The following DHRSX variants were observed in gnomAD, a reference collection of about 807,000 sequenced individuals.
DHRSX encodes polyprenol dehydrogenase.
In DHRSX, 31 loss-of-function variants were observed where a neutral mutation model predicts 34.0. The ratio of observed to expected loss-of-function variants is 0.91; its 90% CI spans 0.69 to 1.23. The LOEUF is 1.23. Among genes scored for constraint, DHRSX ranks in the 50% most tolerant of loss-of-function variants. DHRSX has a pLI of 0.00. For synonymous variants in DHRSX, 201 were observed against 183.8 expected, an observed-to-expected ratio of 1.09 and a Z score of -0.76; for missense variants, 414 against 428.1, an observed-to-expected ratio of 0.97 and a Z score of 0.29.
chrX:2,283,028 G>A (rs952220025), intron 4 of DHRSX, among the ~76,000 whole-genome samples: 9 of 151,424 alleles, frequency 5.9e-5, no homozygotes, highest in African/African-American at 1.2e-4. Flanking sequence ...ACAGAGAGAC[G>A]GGGAGAAGGA....
At chrX:2,229,665 ATATG>A (rs1209945661) in intron 6 of DHRSX, among the ~76,000 whole-genome samples, 22 of 141,726 alleles carry the variant, frequency 1.6e-4, no homozygotes, top group African/African-American at 6.6e-4. Flanking sequence ...GTCTGTATGT[ATATG>A]TATATGTATG....
intron 1 of DHRSX, among the ~76,000 whole-genome samples, chrX:2,447,504 G>A (rs1262311458): frequency 2.0e-5 from 3 of 152,128 alleles, no homozygotes; most frequent in Admixed American, 6.5e-5. Context: ...AAAGAATGAT[G>A]TGCAGGATCC....
intron 1 of DHRSX, among the ~76,000 whole-genome samples, chrX:2,447,163 C>G (rs1054198944): frequency 3.2e-4 from 48 of 151,892 alleles, no homozygotes; most frequent in African/African-American, 1.1e-3. Context: ...GTTCCCTAAG[C>G]TTGTGGCTAA....
At position 2,495,964 on chromosome X, in the gene DHRSX, G is replaced by A. The variant is rs1417812873; in HGVS notation, c.109+4853C>T. ...CCGCCATCCGTCCCTTTATGGATGAGACTGACAAAACCCTAAAACTCAGCC... is the reference window on the plus strand; with the variant it reads ...CCGCCATCCGTCCCTTTATGGATGAAACTGACAAAACCCTAAAACTCAGCC... On this transcript the variant is annotated intron_variant, in intron 1 of 6. Transcript: ENST00000334651. 1.5e-4 allele frequency among the ~76,000 whole-genome samples: 23 copies of A among 152,210 alleles called. 1 individual carries two copies. Among genetic ancestry groups the A allele is most frequent in the African/African-American group, 4.8e-4 (20 of 41,526 alleles).
chrX:2,316,288 C>T (rs984411477), intron 3 of DHRSX, among the ~76,000 whole-genome samples: 4 of 152,152 alleles, frequency 2.6e-5, no homozygotes, highest in Admixed American at 1.3e-4. Context: ...CGGTGGCTCA[C>T]GCCTGTAATT....
At chrX:2,396,225 C>A (rs1295977921) in intron 3 of DHRSX, among the ~76,000 whole-genome samples, 1 of 152,130 alleles carries the variant, frequency 6.6e-6, no homozygotes, top group Non-Finnish European at 1.5e-5. Context: ...AGAATGATCT[C>A]ATCTTGAGAT....
intron 3 of DHRSX, among the ~76,000 whole-genome samples, chrX:2,393,419 T>TCCCCATCTCCTGTGCACACACAC (rs2043359523): frequency 6.8e-6 from 1 of 147,472 alleles, no homozygotes. Context: ...TGCGCACACA[T>TCCCCATCTCCTGTGCACACACAC]GACACACAGG....
At chrX:2,248,613 CAAAAAAA>C (rs1357827255) in intron 5 of DHRSX, among the ~76,000 whole-genome samples, 2 of 17,526 alleles carry the variant, frequency 1.1e-4, no homozygotes, top group Non-Finnish European at 2.9e-4. Context: ...GACTCTGTCT[CAAAAAAA>C]AAAAAAGAAA....
In DHRSX at chrX:2,224,229, C is replaced by T. The variant is rs1210649002; in HGVS notation, c.805-3000G>A. Among the ~76,000 whole-genome samples, 4 of 135,156 alleles carry T rather than the reference C, an allele frequency of 3.0e-5. No homozygotes were observed. The South Asian group carries it at 9.8e-4, about 33-fold the overall frequency. The allele number at this position is 135,156 out of a possible 152,430, so 88.7% of individuals were successfully genotyped here. ...AGTATGATGCCTCCACCCGGAGAGG[C>T]CCCTGTGTTCTGCAGCTGCAGCTTA... On this transcript the variant is annotated intron_variant, in intron 6 of 6. Coordinates refer to ENST00000334651, the MANE Select transcript of DHRSX (RefSeq NM_145177.3).
At chrX:2,245,211 T>C (rs762378373) in intron 5 of DHRSX, among the ~76,000 whole-genome samples, 9 of 152,228 alleles carry the variant, frequency 5.9e-5, no homozygotes, top group African/African-American at 1.9e-4. Context: ...TTGGGAAGGC[T>C]CATCACAAAC....
chrX:2,430,294 G>A (rs2043902171), intron 1 of DHRSX, among the ~76,000 whole-genome samples: 1 of 150,332 alleles, frequency 6.7e-6, no homozygotes, highest in African/African-American at 2.4e-5. Context: ...ATTGCAGAAT[G>A]GACCCTTGCT....
At position 2,302,411 on chromosome X, in the gene DHRSX, A is replaced by C; in HGVS notation, c.287-10808T>G. 1.3e-5 allele frequency among the ~76,000 whole-genome samples: 2 copies of C among 152,150 alleles called. 1 individual carries two copies. Among genetic ancestry groups the C allele is most frequent in the Non-Finnish European group, 2.9e-5 (2 of 68,026 alleles). On this transcript the variant is annotated intron_variant, in intron 3 of 6. Transcript: ENST00000334651. ...CGGATCGCTTGAGGTCAGGAGCTCAAGACCAGCCTGGCCAACACGGTGAAA... is the reference window on the plus strand; with the variant it reads ...CGGATCGCTTGAGGTCAGGAGCTCACGACCAGCCTGGCCAACACGGTGAAA...
In DHRSX at chrX:2,387,704, T is replaced by G. The variant is rs367654710; in HGVS notation, c.286+21041A>C. The stretch of plus-strand genomic sequence containing the variant: ...TCACAGACACACCCAGGATCAATAC[T>G]TTGCATCCTTCAATCCAATCAAGTT... On this transcript the variant is annotated intron_variant, in intron 3 of 6. Transcript: ENST00000334651. Among the ~76,000 whole-genome samples, 8 of 151,982 alleles carry G rather than the reference T, an allele frequency of 5.3e-5. No individual in the cohort carries two copies. The East Asian group carries it at 1.5e-3, about 29-fold the overall frequency.
chrX:2,455,903 G>A, intron 1 of DHRSX, among the ~76,000 whole-genome samples: 1 of 151,998 alleles, frequency 6.6e-6, no homozygotes, highest in East Asian at 1.9e-4. Flanking sequence ...CCAACGTTGA[G>A]TGTCAAAAGG....
At chrX:2,343,133 CAG>C (rs1328397890) in intron 3 of DHRSX, among the ~76,000 whole-genome samples, 1 of 152,134 alleles carries the variant, frequency 6.6e-6, no homozygotes, top group Non-Finnish European at 1.5e-5. Context: ...CCCCTCTGAC[CAG>C]AGATATTCAA....
chrX:2,399,561 C>T (rs2043458700), intron 3 of DHRSX, among the ~76,000 whole-genome samples: 1 of 151,614 alleles, frequency 6.6e-6, no homozygotes, highest in Non-Finnish European at 1.5e-5. Context: ...AAAAAATTAG[C>T]TGGGTGTGAT....
rs2044261787 is a variant in DHRSX at position 2,453,943 on chromosome X, CTT to C, written c.110-28641_110-28640del. On this transcript the variant is annotated intron_variant, in intron 1 of 6. Coordinates refer to ENST00000334651, the MANE Select transcript of DHRSX (RefSeq NM_145177.3). The stretch of plus-strand genomic sequence containing the variant: ...AGCTTTATTTTAATATGTTAATTAA[CTT>C]TATTGTTAATATGGTAACTAGCTTG... Among the ~76,000 whole-genome samples, 3 of 152,040 alleles carry C rather than the reference CTT, an allele frequency of 2.0e-5. 1 individual carries two copies. Among genetic ancestry groups the C allele is most frequent in the South Asian group, 2.1e-4 (1 of 4,826 alleles).
chrX:2,398,945 C>T (rs1289214991), intron 3 of DHRSX, among the ~76,000 whole-genome samples: 6 of 152,110 alleles, frequency 3.9e-5, no homozygotes, highest in South Asian at 2.1e-4. Flanking sequence ...CTCCCCCTCC[C>T]GGGTTCACGC....
intron 2 of DHRSX, among the ~76,000 whole-genome samples, chrX:2,422,880 G>T (rs1295692068): frequency 6.6e-6 from 1 of 151,958 alleles, no homozygotes; most frequent in Non-Finnish European, 1.5e-5. Context: ...CGCCTCTCAG[G>T]TTCAAGCAAT....
Sources: gnomAD v4.1 joint callset for allele counts (sites outside exome capture counted in the v4.1 genomes callset) on GRCh38, gnomAD v4.1.1 for gene constraint, MANE v1.5 for transcripts, NCBI Gene and HGNC (gene_info 2026-07-23, HGNC 2026-07-21) for gene names.